Variants in SLC22A16 observed in about 807,000 individuals in gnomAD.
SLC22A16 encodes solute carrier family 22 member 16.
SLC22A16 carries 53 observed loss-of-function variants against 52.9 expected under a neutral mutation model. The ratio of observed to expected loss-of-function variants is 1.00; its 90% CI spans 0.80 to 1.26. SLC22A16 has a LOEUF of 1.26. SLC22A16 is among the 50% of genes most tolerant of loss of function. The probability of loss-of-function intolerance (pLI) is 0.00; values close to 1 mark genes in which losing one functional copy is unlikely to be tolerated. For synonymous variants in SLC22A16, 291 were observed against 268.8 expected, an observed-to-expected ratio of 1.08 and a Z score of -0.81; for missense variants, 726 against 704.0, an observed-to-expected ratio of 1.03 and a Z score of -0.35.
chr6:110,442,210 C>A (rs375394227), intron 4 of SLC22A16, 34 bp downstream of exon 4: 1 of 1,585,006 alleles, frequency 6.3e-7, no homozygotes. Flanking sequence ...AATCTCACTT[C>A]ACTGCCAAAT....
chr6:110,452,587 T>C lies in SLC22A16; in HGVS notation c.533+3951A>G, dbSNP rs183278474. On this transcript the variant is annotated intron_variant, in intron 2 of 7. Transcript: ENST00000368919. ...AGTGGTGCATGCCTGTAATCCCACC[T>C]ACTTGGGAGGGCTGAGGCAGGAGAA... 4.3e-4 allele frequency among the ~76,000 whole-genome samples: 66 copies of C among 152,232 alleles called. No individual in the cohort carries two copies. In the East Asian group the frequency reaches 0.012, roughly 28 times the overall value.
At chr6:110,455,288 C>T (rs1262518322) in intron 2 of SLC22A16, 2 of 152,028 alleles carry the variant, frequency 1.3e-5, no homozygotes, top group East Asian at 3.9e-4. Context: ...TTTCAAGAGT[C>T]AAGCAGTGAA....
At chr6:110,427,468 A>G (rs1035288941) in intron 7 of SLC22A16, among the ~76,000 whole-genome samples, 1 of 152,178 alleles carries the variant, frequency 6.6e-6, no homozygotes, top group Non-Finnish European at 1.5e-5. Context: ...ATGAAATTAA[A>G]TATTACGCAA....
chr6:110,438,908 G>C (rs892488835), intron 4 of SLC22A16, 61 bp from the exon 5 acceptor site: 2 of 1,595,250 alleles, frequency 1.3e-6, no homozygotes, highest in Non-Finnish European at 1.7e-6. Flanking sequence ...GGGGACCCCC[G>C]TCTTCTAACC....
At chr6:110,425,758 A>G (rs1774235649) in intron 7 of SLC22A16, among the ~76,000 whole-genome samples, 1 of 152,282 alleles carries the variant, frequency 6.6e-6, no homozygotes, top group Non-Finnish European at 1.5e-5. Context: ...TTTGCTTTTA[A>G]AAATGCAGGT....
At chr6:110,445,004 A>T (rs1036748054) in intron 3 of SLC22A16, among the ~76,000 whole-genome samples, 51 of 152,186 alleles carry the variant, frequency 3.4e-4, no homozygotes, top group African/African-American at 1.2e-3. Flanking sequence ...ATATACAACT[A>T]ACTCCAAAAC....
rs965604279 is a variant in SLC22A16, at chr6:110,438,738, G to A, written c.1293C>T (p.Val431=). The A allele has an allele frequency of 1.1e-5, 18 of 1,613,118 alleles. No individual in the cohort carries two copies. Among genetic ancestry groups the A allele is most frequent in the Middle Eastern group, 1.6e-4 (1 of 6,074 alleles). ...SLFCSALACG[V]VMVIPQKHYI... is the part of the protein sequence containing the mutation. ...AACTCACCTGGGGGATCACCATAAC[G>A]ACACCACAGGCCAGTGCACTGCAGA... The change falls in exon 5 of 8, where the codon GTC becomes GTT. Residue 431 remains valine (V), a synonymous_variant. Coordinates refer to ENST00000368919, the MANE Select transcript of SLC22A16 (RefSeq NM_033125.4).
intron 5 of SLC22A16, among the ~76,000 whole-genome samples, chr6:110,437,175 T>A (rs1391518931): frequency 1.3e-5 from 2 of 152,234 alleles, no homozygotes; most frequent in Non-Finnish European, 2.9e-5. Flanking sequence ...TAACAATTGT[T>A]AATTAAATTA....
intron 2 of SLC22A16, among the ~76,000 whole-genome samples, chr6:110,452,750 G>C (rs1775434132): frequency 6.6e-6 from 1 of 152,176 alleles, no homozygotes; most frequent in Non-Finnish European, 1.5e-5. Context: ...CCTTATTGTA[G>C]AAACCTTTTA....
chr6:110,476,220 A>C (rs796985816), intron 1 of SLC22A16: 1 of 25,272 alleles, frequency 4.0e-5, no homozygotes, highest in African/African-American at 8.0e-5. Flanking sequence ...ATCTCCAGCC[A>C]GATGCCTCCA....
rs529850369 is a variant in SLC22A16 at position 110,449,681 on chromosome 6, C to T, written c.534-2691G>A. ...GCTTCTAAACCTTAATACATTCCTC[C>T]GCTCCCTCCTGCATATTCGTCATCA... On this transcript the variant is annotated intron_variant, in intron 2 of 7. Coordinates refer to ENST00000368919, the MANE Select transcript of SLC22A16 (RefSeq NM_033125.4). Among the ~76,000 whole-genome samples the T allele has an allele frequency of 6.6e-5, 10 of 152,216 alleles. No homozygotes were observed. The East Asian group carries it at 1.9e-3, about 29-fold the overall frequency.
chr6:110,454,613 T>TTA (rs1172204101), intron 2 of SLC22A16, among the ~76,000 whole-genome samples: 7 of 81,890 alleles, frequency 8.5e-5, no homozygotes, highest in African/African-American at 4.5e-4. Flanking sequence ...ATTATATATT[T>TTA]TATATATAAT....
intron 1 of SLC22A16, among the ~76,000 whole-genome samples, chr6:110,463,423 G>A (rs1219151860): frequency 1.5e-5 from 2 of 137,434 alleles, no homozygotes; most frequent in South Asian, 2.3e-4. Flanking sequence ...AGTAAAGGGG[G>A]GTAAAAAGAT....
intron 2 of SLC22A16, among the ~76,000 whole-genome samples, chr6:110,455,178 T>C (rs955452757): frequency 6.7e-6 from 1 of 150,306 alleles, no homozygotes; most frequent in Non-Finnish European, 1.5e-5. Context: ...TAACATATTT[T>C]GTACTCTGAC....
chr6:110,429,025 A>T (rs1774390365), intron 7 of SLC22A16, among the ~76,000 whole-genome samples: 1 of 152,224 alleles, frequency 6.6e-6, no homozygotes, highest in Non-Finnish European at 1.5e-5. Flanking sequence ...GAAATCCATT[A>T]AAAATATATT....
intron 2 of SLC22A16, among the ~76,000 whole-genome samples, chr6:110,454,085 C>T (rs1203059986): frequency 6.6e-6 from 1 of 152,128 alleles, no homozygotes; most frequent in Non-Finnish European, 1.5e-5. Context: ...CAAACACCTC[C>T]CACTAGGCCT....
chr6:110,461,538 G>C (rs114803302), intron 1 of SLC22A16, among the ~76,000 whole-genome samples: 39 of 152,138 alleles, frequency 2.6e-4, no homozygotes, highest in African/African-American at 8.7e-4. Context: ...ACTAGAGACT[G>C]AACTGCATCA....
At chr6:110,429,175 A>G (rs1774396134) in intron 7 of SLC22A16, among the ~76,000 whole-genome samples, 1 of 152,208 alleles carries the variant, frequency 6.6e-6, no homozygotes, top group South Asian at 2.1e-4. Context: ...GTGCTAGCAC[A>G]AAGGAGATTC....
chr6:110,474,023 T>C (rs1776370633), intron 1 of SLC22A16, among the ~76,000 whole-genome samples: 1 of 151,998 alleles, frequency 6.6e-6, no homozygotes, highest in Non-Finnish European at 1.5e-5. Flanking sequence ...CTTCCTAAGC[T>C]CCACCTCCTG....
Sources: allele counts gnomAD v4.1 joint callset (sites outside exome capture counted in the v4.1 genomes callset), GRCh38; gene constraint gnomAD v4.1.1; transcripts MANE v1.5; gene names NCBI Gene and HGNC (gene_info 2026-07-23, HGNC 2026-07-21).